ADGRL3: variants seen among roughly 807,000 people sequenced by gnomAD.
ADGRL3 encodes adhesion G protein-coupled receptor L3, also known as calcium-independent alpha-latrotoxin receptor 3.
A neutral mutation model predicts 153.5 loss-of-function variants in ADGRL3; 62 were observed. The observed-to-expected ratio is 0.40, with a 90% confidence interval of 0.33 to 0.50. The LOEUF (loss-of-function observed/expected upper bound fraction) is 0.50. ADGRL3 is among the 20% of genes least tolerant of loss of function. The pLI, the probability that ADGRL3 is intolerant of heterozygous loss-of-function variation, is 0.47. For synonymous variants in ADGRL3, 710 were observed against 672.5 expected (o/e 1.06, Z -0.86); for missense variants, 1,641 against 1,859.4 (o/e 0.88, Z 2.16).
chr4:61,724,614 C>T (rs1327461674), intron 6 of ADGRL3, among the ~76,000 whole-genome samples: 1 of 152,112 alleles, frequency 6.6e-6, no homozygotes, highest in African/African-American at 2.4e-5. Context: ...TTCAGTGATG[C>T]ATGGGTATTA....
At chr4:61,658,475 G>C (rs1366556863) in intron 5 of ADGRL3, among the ~76,000 whole-genome samples, 2 of 151,904 alleles carry the variant, frequency 1.3e-5, no homozygotes, top group African/African-American at 2.4e-5. Context: ...TCACTTAAAT[G>C]GTCCCAGTAG....
intron 10 of ADGRL3, among the ~76,000 whole-genome samples, chr4:61,894,472 C>T (rs935710437): frequency 6.6e-6 from 1 of 152,044 alleles, no homozygotes; most frequent in African/African-American, 2.4e-5. Context: ...AGTTGGAAAC[C>T]ATCTTTTTTC....
chr4:62,013,291 T>G (rs1158882626), intron 21 of ADGRL3, among the ~76,000 whole-genome samples: 2 of 152,096 alleles, frequency 1.3e-5, no homozygotes, highest in Non-Finnish European at 2.9e-5. Flanking sequence ...TCCCAGCACT[T>G]TGGGAGGCCG....
At chr4:61,553,651 G>T (rs1189656592) in intron 4 of ADGRL3, among the ~76,000 whole-genome samples, 1 of 152,068 alleles carries the variant, frequency 6.6e-6, no homozygotes, top group East Asian at 1.9e-4. Context: ...ACAAGTGTAG[G>T]CATAAAAGGA....
At chr4:61,804,278 G>A (rs1326233815) in intron 8 of ADGRL3, among the ~76,000 whole-genome samples, 1 of 152,064 alleles carries the variant, frequency 6.6e-6, no homozygotes, top group African/African-American at 2.4e-5. Flanking sequence ...GTCTTTGGGG[G>A]CATATATTGA....
chr4:61,926,050 G>A lies in ADGRL3; in HGVS notation c.2113-8790G>A, dbSNP rs542087122. ...ATAGCCTACTGCCCCTTAGGCAACA[G>A]ACCTGTACAGCATGTTACTGTACTG... On this transcript the variant is annotated intron_variant, in intron 13 of 26. Transcript: ENST00000683033. Among the ~76,000 whole-genome samples, 22 of 152,192 alleles carry A rather than the reference G, an allele frequency of 1.4e-4. No homozygotes were observed. In the East Asian group the frequency reaches 2.5e-3, roughly 17 times the overall value.
At chr4:61,218,737 C>T (rs1560363393) in intron 1 of ADGRL3, among the ~76,000 whole-genome samples, 1 of 152,166 alleles carries the variant, frequency 6.6e-6, no homozygotes, top group Non-Finnish European at 1.5e-5. Flanking sequence ...AGGGAACCTC[C>T]TGTTTCAAGG....
At chr4:61,624,325 T>G (rs1483846129) in intron 5 of ADGRL3, among the ~76,000 whole-genome samples, 3 of 152,130 alleles carry the variant, frequency 2.0e-5, no homozygotes, top group Non-Finnish European at 4.4e-5. Flanking sequence ...AAGGGAGCTA[T>G]GATAGCATTT....
intron 8 of ADGRL3, among the ~76,000 whole-genome samples, chr4:61,767,040 G>A (rs1481436853): frequency 6.6e-6 from 1 of 151,924 alleles, no homozygotes; most frequent in Non-Finnish European, 1.5e-5. Flanking sequence ...TGTGGGATGG[G>A]ATATTGGCGT....
intron 5 of ADGRL3, among the ~76,000 whole-genome samples, chr4:61,590,069 T>G (rs1289844204): frequency 2.6e-5 from 4 of 152,098 alleles, no homozygotes; most frequent in Non-Finnish European, 4.4e-5. Flanking sequence ...GAGAACTTAT[T>G]AAAACATCAC....
intron 21 of ADGRL3, among the ~76,000 whole-genome samples, chr4:62,011,411 C>T (rs1214845206): frequency 6.6e-6 from 1 of 151,712 alleles, no homozygotes; most frequent in Non-Finnish European, 1.5e-5. Flanking sequence ...TTAGCAAGGC[C>T]TTTTTATTCA....
intron 9 of ADGRL3, among the ~76,000 whole-genome samples, chr4:61,888,176 A>G (rs946219163): frequency 6.6e-6 from 1 of 152,224 alleles, no homozygotes; most frequent in Non-Finnish European, 1.5e-5. Flanking sequence ...AATGAGCACA[A>G]AAACAGTGAT....
At chr4:61,353,600 A>ATTTTTTT (rs34199193) in intron 1 of ADGRL3, among the ~76,000 whole-genome samples, 2 of 118,838 alleles carry the variant, frequency 1.7e-5, no homozygotes, top group Admixed American at 1.0e-4. Flanking sequence ...TTTTCTTTCA[A>ATTTTTTT]TTTTTTTTTT....
intron 9 of ADGRL3, among the ~76,000 whole-genome samples, chr4:61,858,626 C>CA (rs1370144332): frequency 1.3e-5 from 2 of 151,976 alleles, no homozygotes; most frequent in Non-Finnish European, 2.9e-5. Flanking sequence ...GTCTCAAAAA[C>CA]AAAAAACAAA....
intron 9 of ADGRL3, among the ~76,000 whole-genome samples, chr4:61,891,845 G>A (rs571981867): frequency 1.2e-4 from 18 of 152,222 alleles, no homozygotes; most frequent in Admixed American, 5.9e-4. Context: ...TATATTTTCC[G>A]AGAAAGATGA....
chr4:61,616,511 C>G (rs2092020290), intron 5 of ADGRL3, among the ~76,000 whole-genome samples: 1 of 152,180 alleles, frequency 6.6e-6, no homozygotes, highest in Admixed American at 6.5e-5. Context: ...CAAGAGACGC[C>G]TTGTCCTTCT....
At position 61,702,635 on chromosome 4, in the gene ADGRL3, A is replaced by G; in HGVS notation, c.583+25700A>G. On this transcript the variant is annotated intron_variant, in intron 6 of 26. Transcript: ENST00000683033. ...TTCTGCAAGGGAATAATTAATATTA[A>G]AGTGATCAGTGTAAGGAAAAGAAAT... Among the ~76,000 whole-genome samples the G allele has an allele frequency of 1.3e-5, 2 of 152,128 alleles. 1 individual carries two copies. Among genetic ancestry groups the G allele is most frequent in the Non-Finnish European group, 2.9e-5 (2 of 68,010 alleles).
intron 19 of ADGRL3, among the ~76,000 whole-genome samples, chr4:61,994,070 A>G (rs963124216): frequency 6.6e-6 from 1 of 152,202 alleles, no homozygotes; most frequent in Admixed American, 6.5e-5. Context: ...TTCTTGTTAG[A>G]GTGCCTATTG....
chr4:61,313,478 T>C lies in ADGRL3; in HGVS notation c.-239-69646T>C, dbSNP rs2342484. Among the ~76,000 whole-genome samples the C allele has an allele frequency of 5.9e-3, 902 of 152,298 alleles. 5 individuals carry two copies. Among genetic ancestry groups the C allele is most frequent in the African/African-American group, 0.019 (784 of 41,566 alleles). ...ATATTAATAGAGGGAACTTTGTGTG[T>C]GCCCATGCAGGGGAGAAGGCCAGGT... On this transcript the variant is annotated intron_variant, in intron 1 of 26. Coordinates refer to ENST00000683033, the MANE Select transcript of ADGRL3 (RefSeq NM_001387552.1).
Sources: gnomAD v4.1 joint callset for allele counts (sites outside exome capture counted in the v4.1 genomes callset) on GRCh38, gnomAD v4.1.1 for gene constraint, MANE v1.5 for transcripts, NCBI Gene and HGNC (gene_info 2026-07-23, HGNC 2026-07-21) for gene names.